Variants in MYLK observed in about 807,000 individuals in gnomAD.
MYLK encodes myosin light chain kinase, smooth muscle.
MYLK carries 106 observed loss-of-function variants against 203.4 expected under a neutral mutation model. The ratio of observed to expected loss-of-function variants is 0.52; its 90% CI spans 0.45 to 0.61. The LOEUF is 0.61. Among genes scored for constraint, MYLK ranks in the 20% least tolerant of loss-of-function variants. The pLI, the probability that MYLK is intolerant of heterozygous loss-of-function variation, is 0.00. For missense variants in MYLK, 2,072 were observed against 2,442.3 expected, an observed-to-expected ratio of 0.85 and a Z score of 3.20; for synonymous variants, 867 against 959.5, an observed-to-expected ratio of 0.90 and a Z score of 1.78.
intron 4 of MYLK, among the ~76,000 whole-genome samples, chr3:123,776,953 A>G (rs1437513905): frequency 1.3e-5 from 2 of 152,262 alleles, no homozygotes; most frequent in Non-Finnish European, 2.9e-5. Context: ...CCAGCTTAGA[A>G]AATAACTATA....
At chr3:123,672,782 C>A (rs113715373) in intron 20 of MYLK, among the ~76,000 whole-genome samples, 1 of 152,172 alleles carries the variant, frequency 6.6e-6, no homozygotes. Flanking sequence ...ACAATTTAAG[C>A]GTTAACAATG....
At position 123,734,103 on chromosome 3, in the gene MYLK, G is replaced by C. The variant is rs1296362728; in HGVS notation, c.893C>G (p.Ser298Cys). 1.2e-6 allele frequency: 2 copies of C among 1,606,782 alleles called. No individual in the cohort carries two copies. Among genetic ancestry groups the C allele is most frequent in the Non-Finnish European group, 1.7e-6 (2 of 1,175,784 alleles). Reference sequence around the variant, plus strand: ...TGGGGAGCCACCTCTCTGGGGGCTGGAGCAGTTCTTGCTTTTGGCTGCAGC... The same window carrying C: ...TGGGGAGCCACCTCTCTGGGGGCTGCAGCAGTTCTTGCTTTTGGCTGCAGC... ...LEAAAKSKNC[S>C]SPQRGGSPPW... is the part of the protein sequence containing the mutation. Residue 298 changes from serine (S) to cysteine (C), a missense_variant, in exon 10 of 34, where the codon TCC becomes TGC. Coordinates refer to ENST00000360304, the MANE Select transcript of MYLK (RefSeq NM_053025.4).
intron 4 of MYLK, among the ~76,000 whole-genome samples, chr3:123,761,428 G>A (rs1218259103): frequency 2.0e-5 from 3 of 152,192 alleles, no homozygotes; most frequent in African/African-American, 7.2e-5. Context: ...CCCAGGTGGC[G>A]GCTCTGAGGG....
At chr3:123,814,163 G>C in intron 3 of MYLK, 1 of 352,766 alleles carries the variant, frequency 2.8e-6, no homozygotes. Context: ...CATGGGCCCT[G>C]TTCCTGTGTC....
Position 123,707,745 on chromosome 3 carries a change from C to T in MYLK, c.2390+9G>A, listed in dbSNP as rs775876051. 8.1e-6 allele frequency: 13 copies of T among 1,614,010 alleles called. No homozygotes were observed. The highest frequency in any genetic ancestry group is 9.3e-6 in the Non-Finnish European group (11 of 1,180,050). On this transcript the variant is annotated intron_variant, in intron 16 of 33. Coordinates refer to ENST00000360304, the MANE Select transcript of MYLK (RefSeq NM_053025.4). ...GGTTAAGGGAGGCTGGCTGGACATG[C>T]AGACTCACTTGAGCAGGATCTCATA... is the stretch of plus-strand genomic sequence containing the variant.
rs528668463 is a variant in MYLK, at chr3:123,712,766, G to C, written c.1805-2873C>G. Among the ~76,000 whole-genome samples, 5 of 152,334 alleles carry C rather than the reference G, an allele frequency of 3.3e-5. No individual in the cohort carries two copies. In the East Asian group the frequency reaches 7.7e-4, roughly 24 times the overall value. ...GCCCCACTTCCTCATCGGTCTCTAC[G>C]GGGAGTCGTGGTATCATCACAGGAC... On this transcript the variant is annotated intron_variant, in intron 13 of 33. Transcript: ENST00000360304.
rs903542234 is a variant in MYLK, at chr3:123,808,468, A to G, written c.-3-14624T>C. Among the ~76,000 whole-genome samples, 13 of 152,170 alleles carry G rather than the reference A, an allele frequency of 8.5e-5. 1 individual carries two copies. The highest frequency in any genetic ancestry group is 1.5e-5 in the Non-Finnish European group (1 of 68,024). ...TTGGGTGAAGCATTTTTATATTACA[A>G]CCAAAAAATTCAGATCATTGTATAG... On this transcript the variant is annotated intron_variant, in intron 3 of 33. Transcript: ENST00000360304.
rs763844853 is a variant in MYLK, at chr3:123,664,221, T to G, written c.3869A>C (p.Glu1290Ala). 1.2e-6 allele frequency: 2 copies of G among 1,614,038 alleles called. No homozygotes were observed. Among genetic ancestry groups the G allele is most frequent in the Non-Finnish European group, 1.7e-6 (2 of 1,180,030 alleles). ...CAGGATGGTGAGCTTGCTGCCATTCTCGCTGTTCTCCACCTTCATGTGCTC... is the reference window on the plus strand; with the variant it reads ...CAGGATGGTGAGCTTGCTGCCATTCGCGCTGTTCTCCACCTTCATGTGCTC... ...ESEHMKVENS[E>A]NGSKLTILAA... The change falls in exon 23 of 34, where the codon GAG (glutamate) becomes GCG (alanine). Residue 1290 changes from glutamate (E) to alanine (A), a missense_variant. Coordinates refer to ENST00000360304, the MANE Select transcript of MYLK (RefSeq NM_053025.4).
At chr3:123,726,215 T>C (rs2062279181) in intron 11 of MYLK, 137 bp from the exon 12 acceptor site, 3 of 1,099,920 alleles carry the variant, frequency 2.7e-6, no homozygotes, top group Non-Finnish European at 2.7e-6. Flanking sequence ...TTGGCTTCTC[T>C]CTCTTCATGC....
chr3:123,739,806 T>A, intron 6 of MYLK, 147 bp downstream of exon 6: 1 of 872,652 alleles, frequency 1.1e-6, no homozygotes, highest in Non-Finnish European at 1.9e-6. Context: ...GGAGGTGCTG[T>A]GTAAATGACA....
chr3:123,820,438 A>T (rs1417594867), intron 3 of MYLK, among the ~76,000 whole-genome samples: 1 of 152,230 alleles, frequency 6.6e-6, no homozygotes, highest in African/African-American at 2.4e-5. Context: ...ATACAGAAGC[A>T]GTCATGGCTC....
At chr3:123,858,815 G>A (rs1381060953) in intron 2 of MYLK, among the ~76,000 whole-genome samples, 1 of 152,080 alleles carries the variant, frequency 6.6e-6, no homozygotes, top group East Asian at 1.9e-4. Flanking sequence ...TGGAGCGGAC[G>A]TCCAAAACAT....
chr3:123,666,015 G>A (rs140831608), intron 22 of MYLK, among the ~76,000 whole-genome samples: 31 of 152,308 alleles, frequency 2.0e-4, no homozygotes, highest in Admixed American at 1.2e-3. Flanking sequence ...CTACAAAGGC[G>A]GGGATTATTG....
At chr3:123,802,230 G>A (rs986679970) in intron 3 of MYLK, among the ~76,000 whole-genome samples, 2 of 152,178 alleles carry the variant, frequency 1.3e-5, no homozygotes, top group African/African-American at 2.4e-5. Flanking sequence ...CAGCCTGCCC[G>A]GGGTACAATC....
chr3:123,646,245 T>A (rs1454244192), intron 27 of MYLK, among the ~76,000 whole-genome samples: 1 of 152,208 alleles, frequency 6.6e-6, no homozygotes, highest in African/African-American at 2.4e-5. Context: ...TGTGTGTGTC[T>A]GTATACACTT....
chr3:123,707,531 A>AG (rs2061508301), intron 16 of MYLK, among the ~76,000 whole-genome samples: 2 of 152,346 alleles, frequency 1.3e-5, no homozygotes, highest in South Asian at 4.1e-4. Context: ...ACAAGACAGG[A>AG]TTCTGGGGAA....
At chr3:123,762,661 C>T (rs750292236) in intron 4 of MYLK, among the ~76,000 whole-genome samples, 5 of 152,188 alleles carry the variant, frequency 3.3e-5, no homozygotes, top group Admixed American at 2.0e-4. Flanking sequence ...GTGTGGCTCA[C>T]GAGGGCAGAG....
At chr3:123,738,133 A>G (rs762030522) in intron 7 of MYLK, among the ~76,000 whole-genome samples, 9 of 150,720 alleles carry the variant, frequency 6.0e-5, no homozygotes, top group Non-Finnish European at 1.2e-4. Flanking sequence ...ATTTTGAGGT[A>G]GGTGGTATTA....
chr3:123,877,879 G>A (rs1385454800), intron 1 of MYLK, among the ~76,000 whole-genome samples: 1 of 152,184 alleles, frequency 6.6e-6, no homozygotes, highest in African/African-American at 2.4e-5. Flanking sequence ...TTCTGTGAAT[G>A]GACTCAGTAC....
Sources: allele counts gnomAD v4.1 joint callset (sites outside exome capture counted in the v4.1 genomes callset), GRCh38; gene constraint gnomAD v4.1.1; transcripts MANE v1.5; gene names NCBI Gene and HGNC (gene_info 2026-07-23, HGNC 2026-07-21).